ZNF544: variants seen among roughly 807,000 people sequenced by gnomAD.
ZNF544 encodes the protein zinc finger protein 544.
In ZNF544, 10 loss-of-function variants were observed where a neutral mutation model predicts 13.5. The ratio of observed to expected loss-of-function variants is 0.74; its 90% confidence interval spans 0.46 to 1.25. The LOEUF is 1.25. Among genes scored for constraint, ZNF544 ranks in the 50% most tolerant of loss-of-function variants. The probability of loss-of-function intolerance (pLI) is 0.00; values close to 1 mark genes in which losing one functional copy is unlikely to be tolerated. For missense variants in ZNF544, 896 were observed against 845.6 expected, an observed-to-expected ratio of 1.06 and a Z score of -0.74; for synonymous variants, 323 against 300.5, an observed-to-expected ratio of 1.07 and a Z score of -0.77.
downstream of ZNF544, among the ~76,000 whole-genome samples, chr19:58,265,591 G>A (rs534717688): frequency 8.7e-5 from 13 of 148,576 alleles, no homozygotes; most frequent in African/African-American, 2.2e-4. Context: ...CGCCACACCC[G>A]GCCGCATTTA....
At chr19:58,237,107 C>G (rs1280888063) in intron 3 of ZNF544, among the ~76,000 whole-genome samples, 4 of 149,750 alleles carry the variant, frequency 2.7e-5, no homozygotes, top group Non-Finnish European at 5.9e-5. Context: ...CTCTGTCACC[C>G]AGGCTGGAGT....
At chr19:58,272,548 CCT>C (rs921691183) in intron 5 of ZNF544, among the ~76,000 whole-genome samples, 3 of 149,926 alleles carry the variant, frequency 2.0e-5, no homozygotes, top group East Asian at 2.0e-4. Flanking sequence ...AGAGTGAGAC[CCT>C]GTTTCTTTAA....
intron 3 of ZNF544, among the ~76,000 whole-genome samples, chr19:58,239,974 C>A (rs1012149643): frequency 6.6e-6 from 1 of 152,100 alleles, no homozygotes; most frequent in Non-Finnish European, 1.5e-5. Context: ...GACCAGCATT[C>A]AGCTCATTCA....
chr19:58,248,068 C>G (rs1344387386), intron 6 of ZNF544, among the ~76,000 whole-genome samples: 1 of 151,898 alleles, frequency 6.6e-6, no homozygotes, highest in Non-Finnish European at 1.5e-5. Context: ...CACGCACCAC[C>G]ACGCCCAGCT....
At chr19:58,249,628 G>T (rs1479281504) in intron 6 of ZNF544, among the ~76,000 whole-genome samples, 2 of 152,172 alleles carry the variant, frequency 1.3e-5, no homozygotes, top group Non-Finnish European at 2.9e-5. Context: ...TAGAGGCCCA[G>T]TTGGGTAGTT....
intron 6 of ZNF544, chr19:58,277,092 C>A: frequency 1.1e-6 from 1 of 931,662 alleles, no homozygotes; most frequent in South Asian, 5.6e-5. Context: ...TTGGTTTGGT[C>A]TGGTCTCATG....
At chr19:58,254,239 C>T (rs1445060881) in intron 6 of ZNF544, among the ~76,000 whole-genome samples, 2 of 151,826 alleles carry the variant, frequency 1.3e-5, no homozygotes, top group Admixed American at 1.3e-4. Context: ...AAAAAAGGAA[C>T]AGCAGCACAA....
At chr19:58,254,603 T>C (rs1418162040) in intron 6 of ZNF544, among the ~76,000 whole-genome samples, 1 of 152,156 alleles carries the variant, frequency 6.6e-6, no homozygotes, top group African/African-American at 2.4e-5. Context: ...ATCTCTGACT[T>C]TAGGTGGGCA....
At position 58,275,783 on chromosome 19, in the gene ZNF544, C is replaced by CAAAAAAAAAAA. The variant is rs57148438; in HGVS notation, c.245-531_245-521dup. Among the ~76,000 whole-genome samples the CAAAAAAAAAAA allele has an allele frequency of 5.3e-4, 35 of 66,214 alleles. 1 individual carries two copies. Among genetic ancestry groups the CAAAAAAAAAAA allele is most frequent in the African/African-American group, 1.7e-3 (28 of 16,592 alleles). 43.4% of individuals were successfully genotyped at this position (66,214 alleles called of 152,430 possible). On this transcript the variant is annotated intron_variant, in intron 5 of 6. Transcript: ENST00000595981. ...GTGGGCAACAGGTGAGACCCTGTCT[C>CAAAAAAAAAAA]AAAAAAAAAAAAAAAAAAAGGAAAG...
At chr19:58,252,581 C>T (rs2046460058) in intron 6 of ZNF544, among the ~76,000 whole-genome samples, 1 of 152,142 alleles carries the variant, frequency 6.6e-6, no homozygotes, top group Non-Finnish European at 1.5e-5. Flanking sequence ...AACCTTTAGA[C>T]AACCTCTGAA....
downstream of ZNF544, among the ~76,000 whole-genome samples, chr19:58,265,984 C>T: frequency 6.6e-6 from 1 of 151,756 alleles, no homozygotes; most frequent in Non-Finnish European, 1.5e-5. Flanking sequence ...GCAGGCAGAT[C>T]CCTTGAGGTT....
intron 6 of ZNF544, chr19:58,276,439 G>A: frequency 4.1e-6 from 5 of 1,209,638 alleles, no homozygotes; most frequent in South Asian, 4.2e-5. Context: ...GGTGAGTGAA[G>A]ACATCTGTCA....
chr19:58,275,774 A>G (rs1275697696), intron 5 of ZNF544, among the ~76,000 whole-genome samples: 1 of 102,856 alleles, frequency 9.7e-6, no homozygotes, highest in Non-Finnish European at 2.0e-5. Flanking sequence ...AACAGGTGAG[A>G]CCCTGTCTCA....
Position 58,263,278 on chromosome 19 carries a change from TG to T in ZNF544, c.*526del. The T allele has an allele frequency of 1.1e-6, 1 of 892,080 alleles. No individual in the cohort carries two copies. Among genetic ancestry groups the T allele is most frequent in the Non-Finnish European group, 1.3e-6 (1 of 755,096 alleles). 55.3% of individuals were successfully genotyped at this position (892,080 alleles called of 1,614,324 possible). On this transcript the variant is annotated 3_prime_UTR_variant, in exon 7 of 7. Transcript: ENST00000687789. ...GAGTTTGAAACCAGCCTGGGTAACA[TG>T]GCAAAATCCTGTCTTTACAAAAAAT... is the stretch of plus-strand genomic sequence containing the variant.
rs903162426 is a variant in ZNF544, at chr19:58,244,117, A to G, written c.33+61A>G. 6 of 1,442,868 alleles carry G rather than the reference A, an allele frequency of 4.2e-6. No homozygotes were observed. In the African/African-American group the frequency reaches 5.6e-5, roughly 14 times the overall value. 89.4% of individuals were successfully genotyped at this position (1,442,868 alleles called of 1,614,324 possible). A position where few individuals can be genotyped will look rare whatever the true frequency, so the allele number is the denominator to read the frequency against. On this transcript the variant is annotated intron_variant, in intron 4 of 6. Transcript: ENST00000687789. ...TCCATAGATGTAAAATGGGTCCAGG[A>G]ATAGCACCCGCCCCTGCAGGCTGTC...
At chr19:58,229,696 T>G (rs1029506014) in intron 2 of ZNF544, 126 bp downstream of exon 2, 2 of 152,304 alleles carry the variant, frequency 1.3e-5, no homozygotes, top group Non-Finnish European at 2.9e-5. Flanking sequence ...GCGATGCTGG[T>G]GCACCCCATA....
intron 3 of ZNF544, chr19:58,242,242 C>G: frequency 1.0e-6 from 1 of 985,320 alleles, no homozygotes; most frequent in Non-Finnish European, 1.2e-6. Flanking sequence ...GAGTGAGTCC[C>G]CAGCACCGCA....
intron 5 of ZNF544, among the ~76,000 whole-genome samples, chr19:58,273,037 C>T (rs945842155): frequency 1.9e-4 from 29 of 150,800 alleles, no homozygotes; most frequent in Middle Eastern, 3.6e-3. Context: ...AAAAATTAGC[C>T]GGGTGTGGTG....
intron 4 of ZNF544, among the ~76,000 whole-genome samples, 174 bp downstream of exon 4, chr19:58,244,230 T>C (rs917774439): frequency 2.7e-4 from 41 of 151,986 alleles, no homozygotes; most frequent in Non-Finnish European, 1.0e-4. Context: ...GTCACCAGCA[T>C]GGACGAGCCT....
Sources: gnomAD v4.1 joint callset for allele counts (sites outside exome capture counted in the v4.1 genomes callset) on GRCh38, gnomAD v4.1.1 for gene constraint, MANE v1.5 for transcripts, NCBI Gene and HGNC (gene_info 2026-07-23, HGNC 2026-07-21) for gene names.